FAT3: variants seen among roughly 807,000 people sequenced by gnomAD.
The protein encoded by FAT3 is protocadherin Fat 3.
In FAT3, 95 loss-of-function variants were observed where a neutral mutation model predicts 310.2. That is an observed-to-expected ratio of 0.31 (90% CI 0.26 to 0.36). The LOEUF is 0.36. Ranked by LOEUF, FAT3 falls within the 10% of genes least tolerant of loss-of-function variation. FAT3 has a pLI of 1.00. For synonymous variants in FAT3, 2,314 were observed against 2,192.9 expected (o/e 1.06, Z -1.54); for missense variants, 5,408 against 5,715.6 (o/e 0.95, Z 1.74).
chr11:92,874,794 C>T (rs759090718), intron 22 of FAT3, among the ~76,000 whole-genome samples: 2 of 152,146 alleles, frequency 1.3e-5, no homozygotes, highest in Non-Finnish European at 2.9e-5. Context: ...CCACCTTGGC[C>T]TCCTAAAATG....
At position 92,833,015 on chromosome 11, in the gene FAT3, G is replaced by A. The variant is rs544305516; in HGVS notation, c.9871+1004G>A. On this transcript the variant is annotated intron_variant, in intron 14 of 27. Coordinates refer to ENST00000525166, the MANE Select transcript of FAT3 (RefSeq NM_001367949.2). ...CACCTAGGAAATAAAAAGGTGCTTC[G>A]AAATAAAGCAACAGAATAAGAGAGA... is the stretch of plus-strand genomic sequence containing the variant. Among the ~76,000 whole-genome samples the A allele has an allele frequency of 6.6e-5, 10 of 152,266 alleles. No homozygotes were observed. The South Asian group carries it at 1.2e-3, about 19-fold the overall frequency.
At chr11:92,458,262 T>G (rs1362311653) in intron 2 of FAT3, among the ~76,000 whole-genome samples, 1 of 152,204 alleles carries the variant, frequency 6.6e-6, no homozygotes, top group Non-Finnish European at 1.5e-5. Flanking sequence ...CATGCAGGGC[T>G]AACTGATAAA....
At chr11:92,529,131 A>G (rs947618056) in intron 3 of FAT3, among the ~76,000 whole-genome samples, 4 of 152,192 alleles carry the variant, frequency 2.6e-5, no homozygotes, top group African/African-American at 9.7e-5. Flanking sequence ...GCACTCAGGG[A>G]ATTTAGTCTC....
chr11:92,262,992 T>C (rs1003395756), intron 1 of FAT3, among the ~76,000 whole-genome samples: 4 of 148,218 alleles, frequency 2.7e-5, no homozygotes, highest in Non-Finnish European at 6.0e-5. Flanking sequence ...TTTTCTCTCT[T>C]TTTTTTTTTA....
In FAT3 at chr11:92,792,962, T is replaced by C. The variant is rs772932517; in HGVS notation, c.4807T>C (p.Tyr1603His). The C allele has an allele frequency of 5.0e-6, 8 of 1,613,584 alleles. No homozygotes were observed. The South Asian group carries it at 8.8e-5, about 18-fold the overall frequency. Residue 1603 changes from tyrosine (Y) to histidine (H), a missense_variant, in exon 9 of 28, where the codon TAT (tyrosine) becomes CAT (histidine). Tyr to His is a moderately conservative substitution (Grantham distance 83, BLOSUM62 2). Coordinates refer to ENST00000525166, the MANE Select transcript of FAT3 (RefSeq NM_001367949.2). ...KDKGENAELI[Y>H]TIEAGNTGNM... ...CAAAGGAGAAAATGCAGAACTCATA[T>C]ATACCATAGAAGCAGGTGAGAGCTG... is the stretch of plus-strand genomic sequence containing the variant.
At chr11:92,482,769 C>G (rs533696702) in intron 2 of FAT3, among the ~76,000 whole-genome samples, 1 of 152,290 alleles carries the variant, frequency 6.6e-6, no homozygotes, top group South Asian at 2.1e-4. Context: ...CGACACCCTT[C>G]CTCAACTACA....
chr11:92,547,230 C>T (rs1954645979), intron 3 of FAT3, among the ~76,000 whole-genome samples: 1 of 152,148 alleles, frequency 6.6e-6, no homozygotes, highest in Non-Finnish European at 1.5e-5. Context: ...TATTTAATCC[C>T]AACAGATGAT....
intron 15 of FAT3, among the ~76,000 whole-genome samples, chr11:92,835,380 C>T (rs944323413): frequency 2.0e-5 from 3 of 152,010 alleles, no homozygotes; most frequent in African/African-American, 7.3e-5. Flanking sequence ...TAATGATGGC[C>T]CCCTATGTAG....
intron 3 of FAT3, among the ~76,000 whole-genome samples, chr11:92,563,635 C>G (rs1381622341): frequency 2.6e-5 from 4 of 151,958 alleles, no homozygotes; most frequent in Non-Finnish European, 5.9e-5. Context: ...CTTCGAAACC[C>G]AGCTTAAAAT....
intron 7 of FAT3, among the ~76,000 whole-genome samples, chr11:92,780,553 G>T (rs934852859): frequency 5.9e-5 from 9 of 152,178 alleles, no homozygotes; most frequent in Non-Finnish European, 1.2e-4. Flanking sequence ...GCAAAGCAAG[G>T]TTAAATAACT....
intron 3 of FAT3, among the ~76,000 whole-genome samples, chr11:92,528,213 T>C (rs1953938965): frequency 6.6e-6 from 1 of 152,226 alleles, no homozygotes; most frequent in Non-Finnish European, 1.5e-5. Flanking sequence ...GGACTTTCTT[T>C]AGTAATTCCT....
chr11:92,268,990 T>G lies in FAT3; in HGVS notation c.-18+43816T>G, dbSNP rs556208034. 5.3e-5 allele frequency among the ~76,000 whole-genome samples: 8 copies of G among 152,308 alleles called. No homozygotes were observed. In the East Asian group the frequency reaches 1.4e-3, roughly 26 times the overall value. On this transcript the variant is annotated intron_variant, in intron 1 of 27. Coordinates refer to ENST00000525166, the MANE Select transcript of FAT3 (RefSeq NM_001367949.2). ...AAAATTTAAAATGGATGTATTCAGG[T>G]GTTTTTAACATGATGAGCTGGAATG...
chr11:92,870,667 G>A (rs1256273006), intron 22 of FAT3, among the ~76,000 whole-genome samples: 1 of 152,038 alleles, frequency 6.6e-6, no homozygotes, highest in East Asian at 1.9e-4. Flanking sequence ...CTTAGCTCAA[G>A]CCCATTAATG....
intron 23 of FAT3, among the ~76,000 whole-genome samples, chr11:92,881,311 TCTTTC>T (rs1393033578): frequency 6.6e-6 from 1 of 152,180 alleles, no homozygotes; most frequent in Non-Finnish European, 1.5e-5. Context: ...TGCAAACCTT[TCTTTC>T]ATAAGAAAGA....
chr11:92,615,280 C>A (rs1163991798), intron 3 of FAT3, among the ~76,000 whole-genome samples: 1 of 152,102 alleles, frequency 6.6e-6, no homozygotes, highest in African/African-American at 2.4e-5. Context: ...GAGTTTCGGT[C>A]TTGTTGCCCA....
chr11:92,315,960 T>C (rs547022296), intron 1 of FAT3, among the ~76,000 whole-genome samples: 1 of 152,266 alleles, frequency 6.6e-6, no homozygotes, highest in Non-Finnish European at 1.5e-5. Context: ...TCTGATAAAA[T>C]CTTTAATAAT....
chr11:92,243,755 G>T (rs1403583738), intron 1 of FAT3, among the ~76,000 whole-genome samples: 1 of 152,038 alleles, frequency 6.6e-6, no homozygotes, highest in East Asian at 1.9e-4. Context: ...GTGGTCTGGA[G>T]TTTGAACCAT....
chr11:92,452,554 C>G (rs16917593), intron 2 of FAT3, among the ~76,000 whole-genome samples: 1 of 151,902 alleles, frequency 6.6e-6, no homozygotes, highest in Non-Finnish European at 1.5e-5. Context: ...ATTTCTGAAG[C>G]GCATAGAAAG....
chr11:92,250,766 C>G (rs1865105162), intron 1 of FAT3, among the ~76,000 whole-genome samples: 1 of 152,084 alleles, frequency 6.6e-6, no homozygotes, highest in Admixed American at 6.6e-5. Context: ...AAGGAGGTCT[C>G]TCAACCAATT....
Sources: gnomAD v4.1 joint callset for allele counts (sites outside exome capture counted in the v4.1 genomes callset) on GRCh38, gnomAD v4.1.1 for gene constraint, MANE v1.5 for transcripts, NCBI Gene and HGNC (gene_info 2026-07-23, HGNC 2026-07-21) for gene names.